GSE1: variants seen among roughly 807,000 people sequenced by gnomAD.
The protein encoded by GSE1 is genetic suppressor element 1.
In GSE1, 32 loss-of-function variants were observed where a neutral mutation model predicts 112.6. The ratio of observed to expected loss-of-function variants is 0.28; its 90% CI spans 0.21 to 0.38. The LOEUF is 0.38. GSE1 is among the 10% of genes least tolerant of loss of function. The pLI is 1.00. For synonymous variants in GSE1, 1,115 were observed against 735.6 expected (o/e 1.52, Z -8.35); for missense variants, 2,348 against 1,699.2 (o/e 1.38, Z -6.71).
In GSE1 at chr16:85,269,655, C is replaced by T. The variant is rs968899000; in HGVS notation, c.2284-87808C>T. 6.7e-5 allele frequency among the ~76,000 whole-genome samples: 10 copies of T among 149,346 alleles called. 1 individual carries two copies. The highest frequency in any genetic ancestry group is 1.5e-4 in the Non-Finnish European group (10 of 66,232). ...CCCTCCCCTGGCCCCCGAAGCCCCT[C>T]TGTCCAGCCTTCAGTGCCCACCTTG... is the stretch of plus-strand genomic sequence containing the variant. On this transcript the variant is annotated intron_variant, in intron 1 of 2. Transcript: ENST00000637419.
At chr16:85,173,735 G>C (rs114906524) in intron 1 of GSE1, among the ~76,000 whole-genome samples, 1,562 of 152,310 alleles carry the variant, frequency 0.01, 27 homozygotes, top group African/African-American at 0.035. Flanking sequence ...GGCCTTGACT[G>C]ATAAGAACGC....
At chr16:85,386,570 G>C (rs745726723) in intron 2 of GSE1, among the ~76,000 whole-genome samples, 7 of 152,224 alleles carry the variant, frequency 4.6e-5, no homozygotes, top group Non-Finnish European at 8.8e-5. Flanking sequence ...TGGTGGCTCA[G>C]AGCATGGCTT....
intron 2 of GSE1, among the ~76,000 whole-genome samples, chr16:85,543,777 C>A (rs1270110712): frequency 1.3e-5 from 2 of 152,232 alleles, no homozygotes; most frequent in Non-Finnish European, 2.9e-5. Context: ...ATTATTTAGG[C>A]TATGCGAGTG....
intron 2 of GSE1, among the ~76,000 whole-genome samples, chr16:85,375,319 C>T (rs1326785036): frequency 1.3e-5 from 2 of 152,114 alleles, no homozygotes; most frequent in Admixed American, 6.5e-5. Context: ...TGCCAAGTCA[C>T]CTCACCTCCC....
At position 85,674,281 on chromosome 16, in the gene GSE1, C is replaced by T. The variant is rs2053560855; in HGVS notation, c.*1742C>T. ...CATCGTGTCGCTTTATCTGCCCCCGCACAGTTTGCTTTGTACGTCTGCCAA... is the reference window on the plus strand; with the variant it reads ...CATCGTGTCGCTTTATCTGCCCCCGTACAGTTTGCTTTGTACGTCTGCCAA... On this transcript the variant is annotated 3_prime_UTR_variant, in exon 16 of 16. Coordinates refer to ENST00000253458, the MANE Select transcript of GSE1 (RefSeq NM_014615.5). 6.6e-6 allele frequency: 1 copy of T among 152,254 alleles called. No homozygotes were observed. Among genetic ancestry groups the T allele is most frequent in the African/African-American group, 2.4e-5 (1 of 41,448 alleles). 9.4% of individuals were successfully genotyped at this position (152,254 alleles called of 1,614,324 possible). A position where few individuals can be genotyped will look rare whatever the true frequency, so the allele number is the denominator to read the frequency against.
intron 1 of GSE1, among the ~76,000 whole-genome samples, chr16:85,226,520 C>G (rs995869082): frequency 2.6e-5 from 4 of 152,148 alleles, no homozygotes; most frequent in African/African-American, 4.8e-5. Context: ...TGGCCTTGGT[C>G]GGAGTCCTGG....
At chr16:85,171,218 G>T in exon 1 of GSE1, 2 of 985,660 alleles carry the variant, frequency 2.0e-6, no homozygotes, top group Non-Finnish European at 2.4e-6. Flanking sequence ...GGCTTCCTGG[G>T]CAGGTACCAC....
At chr16:85,645,322 G>T (rs1018705507) in intron 2 of GSE1, among the ~76,000 whole-genome samples, 1 of 152,126 alleles carries the variant, frequency 6.6e-6, no homozygotes, top group African/African-American at 2.4e-5. Context: ...GGGGGTTGCT[G>T]GGGAGAATGT....
upstream of GSE1, chr16:85,613,283 C>G: frequency 1.3e-6 from 2 of 1,539,036 alleles, no homozygotes; most frequent in Non-Finnish European, 1.8e-6. Context: ...CCCAGCGGGC[C>G]CGAGCTGCCG....
chr16:85,561,563 C>T (rs528550562), intron 1 of GSE1, among the ~76,000 whole-genome samples: 13 of 152,356 alleles, frequency 8.5e-5, no homozygotes, highest in South Asian at 2.1e-4. Flanking sequence ...AGGCTGCCCT[C>T]GGCCCTCCAG....
At chr16:85,438,208 G>T (rs555802275) in intron 2 of GSE1, among the ~76,000 whole-genome samples, 1 of 152,306 alleles carries the variant, frequency 6.6e-6, no homozygotes, top group Admixed American at 6.5e-5. Context: ...TCTGTAGAGT[G>T]TGTGGAATGA....
chr16:85,540,939 A>G (rs569581205), intron 2 of GSE1, among the ~76,000 whole-genome samples: 73 of 151,870 alleles, frequency 4.8e-4, no homozygotes, highest in Non-Finnish European at 8.2e-4. Flanking sequence ...ATTCTTATCT[A>G]GTTTTTTTGG....
chr16:85,501,069 C>G (rs1472195677), intron 2 of GSE1, among the ~76,000 whole-genome samples: 1 of 127,140 alleles, frequency 7.9e-6, no homozygotes, highest in South Asian at 2.7e-4. Flanking sequence ...GGCACGATCT[C>G]GGCTCACTGC....
intron 1 of GSE1, among the ~76,000 whole-genome samples, chr16:85,272,455 C>G (rs561750287): frequency 1.3e-5 from 2 of 152,256 alleles, no homozygotes; most frequent in South Asian, 4.1e-4. Context: ...GGAAAACGGT[C>G]TGGTTTTGGT....
chr16:85,501,568 A>G (rs1399377706), intron 2 of GSE1, among the ~76,000 whole-genome samples: 2 of 151,396 alleles, frequency 1.3e-5, no homozygotes, highest in Non-Finnish European at 2.9e-5. Context: ...ATTTTTTAAA[A>G]ATTTTTTGCA....
intron 2 of GSE1, among the ~76,000 whole-genome samples, chr16:85,448,715 C>T (rs2049581737): frequency 6.6e-6 from 1 of 152,250 alleles, no homozygotes; most frequent in Non-Finnish European, 1.5e-5. Context: ...GCACCACTGG[C>T]AGCCCGCCCC....
chr16:85,390,153 C>G (rs1036040814), intron 2 of GSE1, among the ~76,000 whole-genome samples: 2 of 152,204 alleles, frequency 1.3e-5, no homozygotes, highest in Non-Finnish European at 2.9e-5. Flanking sequence ...ACAAAGGGAA[C>G]TGTGTATTCT....
intron 1 of GSE1, among the ~76,000 whole-genome samples, chr16:85,209,191 C>A (rs542717055): frequency 4.9e-4 from 74 of 152,304 alleles, no homozygotes; most frequent in Non-Finnish European, 2.4e-4. Context: ...CCTGCAGAAG[C>A]TGCGCAGGAA....
intron 2 of GSE1, among the ~76,000 whole-genome samples, chr16:85,642,004 C>T (rs1415160531): frequency 6.6e-6 from 1 of 152,268 alleles, no homozygotes; most frequent in African/African-American, 2.4e-5. Context: ...GACACAGGCT[C>T]TGTGGACCTG....
Sources: gnomAD v4.1 joint callset for allele counts (sites outside exome capture counted in the v4.1 genomes callset) on GRCh38, gnomAD v4.1.1 for gene constraint, MANE v1.5 for transcripts, NCBI Gene and HGNC (gene_info 2026-07-23, HGNC 2026-07-21) for gene names.